FZD3: variants seen among roughly 807,000 people sequenced by gnomAD.
FZD3 encodes frizzled-3.
FZD3 carries 30 observed loss-of-function variants against 60.7 expected under a neutral mutation model. The ratio of observed to expected loss-of-function variants is 0.49; its 90% CI spans 0.37 to 0.67. The LOEUF is 0.67. Ranked by LOEUF, FZD3 falls within the 30% of genes least tolerant of loss-of-function variation. FZD3 has a pLI of 0.00. For missense variants in FZD3, 605 were observed against 838.7 expected, an observed-to-expected ratio of 0.72 and a Z score of 3.44; for synonymous variants, 246 against 275.2, an observed-to-expected ratio of 0.89 and a Z score of 1.05.
intron 6 of FZD3, among the ~76,000 whole-genome samples, chr8:28,554,397 T>TA (rs1204399005): frequency 2.0e-5 from 3 of 152,116 alleles, no homozygotes; most frequent in Non-Finnish European, 2.9e-5. Context: ...CAGATTTTTA[T>TA]TTTTTTTACT....
chr8:28,569,680 AAAG>A lies in FZD3; in HGVS notation c.*6673_*6675del, dbSNP rs1370067830. ...TCCATTAGTGATTTTAAGTAATTTT[AAAG>A]AAGGAAAATTATATTACAGATAATA... is the stretch of plus-strand genomic sequence containing the variant. On this transcript the variant is annotated 3_prime_UTR_variant, in exon 8 of 8. Coordinates refer to ENST00000240093, the MANE Select transcript of FZD3 (RefSeq NM_017412.4). 6.6e-6 allele frequency: 1 copy of A among 152,180 alleles called. No homozygotes were observed. The highest frequency in any genetic ancestry group is 1.9e-4 in the East Asian group (1 of 5,202). 9.4% of individuals were successfully genotyped at this position (152,180 alleles called of 1,614,324 possible).
intron 5 of FZD3, among the ~76,000 whole-genome samples, chr8:28,542,307 A>G (rs1805188435): frequency 6.6e-6 from 1 of 151,998 alleles, no homozygotes; most frequent in Non-Finnish European, 1.5e-5. Flanking sequence ...CTTAAATGTC[A>G]TGTCCTTGAA....
At position 28,563,038 on chromosome 8, in the gene FZD3, G is replaced by A; in HGVS notation, c.*27G>A. 6.6e-7 allele frequency: 1 copy of A among 1,518,120 alleles called. No individual in the cohort carries two copies. Among genetic ancestry groups the A allele is most frequent in the Non-Finnish European group, 9.2e-7 (1 of 1,092,652 alleles). 94.0% of individuals were successfully genotyped at this position (1,518,120 alleles called of 1,614,324 possible). On this transcript the variant is annotated 3_prime_UTR_variant, in exon 8 of 8. Transcript: ENST00000240093. ...TTGTCTTGTCTAAGGTGGAAATCTTGTGCTGTTTAAAAAGCAGATTTTATT... is the reference window on the plus strand; with the variant it reads ...TTGTCTTGTCTAAGGTGGAAATCTTATGCTGTTTAAAAAGCAGATTTTATT...
intron 1 of FZD3, among the ~76,000 whole-genome samples, chr8:28,498,256 C>T (rs899937301): frequency 6.6e-6 from 1 of 151,864 alleles, no homozygotes; most frequent in Non-Finnish European, 1.5e-5. Context: ...CTGCTCACTC[C>T]GATTATGTTA....
rs1471773124 is a variant in FZD3, at chr8:28,568,679, TA to T, written c.*5672del. The stretch of plus-strand genomic sequence containing the variant: ...TATTCTGTGATCTCTAATTAGAAAG[TA>T]AAATTCTGTTGCCATAAATATAAAA... On this transcript the variant is annotated 3_prime_UTR_variant, in exon 8 of 8. Transcript: ENST00000240093. 2 of 152,144 alleles carry T rather than the reference TA, an allele frequency of 1.3e-5. No homozygotes were observed. Among genetic ancestry groups the T allele is most frequent in the East Asian group, 1.9e-4 (1 of 5,204 alleles). 9.4% of individuals were successfully genotyped at this position (152,144 alleles called of 1,614,324 possible). A position where few individuals can be genotyped will look rare whatever the true frequency, so the allele number is the denominator to read the frequency against.
chr8:28,500,126 A>G (rs896447423), intron 2 of FZD3, 148 bp downstream of exon 2: 2 of 152,180 alleles, frequency 1.3e-5, no homozygotes, highest in South Asian at 2.1e-4. Context: ...TTCATGTCTC[A>G]CTGAATTCCA....
At chr8:28,530,111 G>C (rs984808671) in intron 5 of FZD3, among the ~76,000 whole-genome samples, 102 of 138,114 alleles carry the variant, frequency 7.4e-4, no homozygotes, top group African/African-American at 2.5e-3. Context: ...GTGTGTGTGT[G>C]TGTGTGTGTG....
Position 28,564,502 on chromosome 8 carries a change from A to C in FZD3, c.*1491A>C, listed in dbSNP as rs1805671522. 6.6e-6 allele frequency: 1 copy of C among 151,298 alleles called. No individual in the cohort carries two copies. Among genetic ancestry groups the C allele is most frequent in the Non-Finnish European group, 1.5e-5 (1 of 67,898 alleles). The allele number at this position is 151,298 out of a possible 1,614,324, so 9.4% of individuals were successfully genotyped here. On this transcript the variant is annotated 3_prime_UTR_variant, in exon 8 of 8. Coordinates refer to ENST00000240093, the MANE Select transcript of FZD3 (RefSeq NM_017412.4). ...GATTCTAATCTGCAGCCTGGCTTGA[A>C]ACTCACTACTTTAACTTGCCCCTGA...
chr8:28,546,386 GT>G (rs1805293353), intron 5 of FZD3, among the ~76,000 whole-genome samples: 1 of 152,138 alleles, frequency 6.6e-6, no homozygotes, highest in African/African-American at 2.4e-5. Context: ...AGAGCCAGTT[GT>G]TAAAACATTT....
rs375014519 is a variant in FZD3 at position 28,533,296 on chromosome 8, C to T, written c.1404+5132C>T. ...CAGGGATCCTCCCTCTTCAGCCTCC[C>T]AAAGCACTGGGATAACAGGCCTGAG... On this transcript the variant is annotated intron_variant, in intron 5 of 7. Transcript: ENST00000240093. Among the ~76,000 whole-genome samples, 15 of 152,128 alleles carry T rather than the reference C, an allele frequency of 9.9e-5. 1 individual carries two copies. In the East Asian group the frequency reaches 1.9e-3, roughly 20 times the overall value.
At chr8:28,534,861 T>G (rs1804969227) in intron 5 of FZD3, among the ~76,000 whole-genome samples, 1 of 152,214 alleles carries the variant, frequency 6.6e-6, no homozygotes, top group African/African-American at 2.4e-5. Flanking sequence ...CATACTTGAA[T>G]AAAGATCTGC....
chr8:28,555,855 C>T lies in FZD3; in HGVS notation c.1671C>T (p.Ser557=). ...GGGGAACTTCCACTCAAGGAACATCCACCCATGCTTCTTCAACTCAGCTGG... is the reference window on the plus strand; with the variant it reads ...GGGGAACTTCCACTCAAGGAACATCTACCCATGCTTCTTCAACTCAGCTGG... ...KSRGTSTQGT[S]THASSTQLAM... is the part of the protein sequence containing the mutation. The change falls in exon 7 of 8, where the codon TCC becomes TCT. Residue 557 remains serine, a synonymous_variant. Transcript: ENST00000240093. The T allele has an allele frequency of 6.2e-7, 1 of 1,613,184 alleles. No homozygotes were observed. Among genetic ancestry groups the T allele is most frequent in the East Asian group, 2.2e-5 (1 of 44,876 alleles).
chr8:28,508,032 G>T (rs1485330660), intron 3 of FZD3, among the ~76,000 whole-genome samples: 1 of 151,974 alleles, frequency 6.6e-6, no homozygotes, highest in Non-Finnish European at 1.5e-5. Context: ...GGTTCTACAG[G>T]TACATGCCAT....
At chr8:28,504,420 C>G (rs1245846404) in intron 3 of FZD3, among the ~76,000 whole-genome samples, 1 of 152,116 alleles carries the variant, frequency 6.6e-6, no homozygotes, top group Non-Finnish European at 1.5e-5. Context: ...CTATCAATTT[C>G]TCACAGAAAA....
rs1340101677 is a variant in FZD3 at position 28,573,482 on chromosome 8, C to G, written c.*10471C>G. The G allele has an allele frequency of 6.6e-6, 1 of 151,680 alleles. No individual in the cohort carries two copies. The highest frequency in any genetic ancestry group is 1.5e-5 in the Non-Finnish European group (1 of 67,910). The allele number at this position is 151,680 out of a possible 1,614,324, so 9.4% of individuals were successfully genotyped here. A position where few individuals can be genotyped will look rare whatever the true frequency, so the allele number is the denominator to read the frequency against. ...GCCCAAACCCATGTGATGTCTGAAACTACTGTATATTTTCAATGACCTTGA... is the reference window on the plus strand; with the variant it reads ...GCCCAAACCCATGTGATGTCTGAAAGTACTGTATATTTTCAATGACCTTGA... On this transcript the variant is annotated 3_prime_UTR_variant, in exon 8 of 8. Transcript: ENST00000240093.
chr8:28,526,551 A>T (rs1176084347), intron 4 of FZD3, among the ~76,000 whole-genome samples: 1 of 152,132 alleles, frequency 6.6e-6, no homozygotes, highest in Non-Finnish European at 1.5e-5. Flanking sequence ...GGATTCAAGG[A>T]TAGAGATCTG....
rs1480275944 is a variant in FZD3, at chr8:28,566,709, T to A, written c.*3698T>A. 6.6e-6 allele frequency: 1 copy of A among 152,142 alleles called. No individual in the cohort carries two copies. The highest frequency in any genetic ancestry group is 2.4e-5 in the African/African-American group (1 of 41,426). The allele number at this position is 152,142 out of a possible 1,614,324, so 9.4% of individuals were successfully genotyped here. ...ATACCAAAATTTCATTATGATGATATTTATATTGCTTTTTGACATGCCAAA... is the reference window on the plus strand; with the variant it reads ...ATACCAAAATTTCATTATGATGATAATTATATTGCTTTTTGACATGCCAAA... On this transcript the variant is annotated 3_prime_UTR_variant, in exon 8 of 8. Coordinates refer to ENST00000240093, the MANE Select transcript of FZD3 (RefSeq NM_017412.4).
intron 5 of FZD3, among the ~76,000 whole-genome samples, chr8:28,545,057 A>G (rs1167642689): frequency 1.3e-5 from 2 of 152,174 alleles, no homozygotes; most frequent in Non-Finnish European, 2.9e-5. Flanking sequence ...CAGAGCCCTC[A>G]TGACCCAACA....
chr8:28,554,954 C>T (rs1156489623), intron 6 of FZD3, among the ~76,000 whole-genome samples: 1 of 152,036 alleles, frequency 6.6e-6, no homozygotes, highest in Non-Finnish European at 1.5e-5. Flanking sequence ...AGACACTAAC[C>T]TTTACAACTG....
Sources: gnomAD v4.1 joint callset for allele counts (sites outside exome capture counted in the v4.1 genomes callset) on GRCh38, gnomAD v4.1.1 for gene constraint, MANE v1.5 for transcripts, NCBI Gene and HGNC (gene_info 2026-07-23, HGNC 2026-07-21) for gene names.